RARB: variants seen among roughly 807,000 people sequenced by gnomAD.
RARB encodes the protein retinoic acid receptor beta.
RARB carries 17 observed loss-of-function variants against 51.9 expected under a neutral mutation model. That is an observed-to-expected ratio of 0.33 (90% CI 0.22 to 0.49). The LOEUF (loss-of-function observed/expected upper bound fraction) is 0.49, where lower values mean the gene tolerates loss of function less well. RARB is among the 20% of genes least tolerant of loss of function. RARB has a pLI of 0.99. For synonymous variants in RARB, 215 were observed against 195.4 expected (o/e 1.10, Z -0.84); for missense variants, 369 against 550.8 (o/e 0.67, Z 3.30).
chr3:24,942,859 TA>T (rs1695697697), intron 2 of RARB, among the ~76,000 whole-genome samples: 2 of 152,330 alleles, frequency 1.3e-5, no homozygotes, highest in South Asian at 4.1e-4. Flanking sequence ...CAAAATCATC[TA>T]AAACCTGGCT....
rs1467358656 is a variant in RARB at position 24,837,646 on chromosome 3, C to T, written c.-459+8243C>T. Among the ~76,000 whole-genome samples the T allele has an allele frequency of 1.3e-5, 2 of 152,278 alleles. 1 individual carries two copies. Among genetic ancestry groups the T allele is most frequent in the African/African-American group, 4.8e-5 (2 of 41,568 alleles). ...CAGTACTCAGTTTATTTTCTCAGTA[C>T]TGATTTTGGCCCTTTTATTTTCTCT... On this transcript the variant is annotated intron_variant, in intron 1 of 11. Coordinates refer to the RARB transcript ENST00000383772.
At chr3:25,346,296 T>A (rs1354726549) in intron 5 of RARB, among the ~76,000 whole-genome samples, 1 of 152,036 alleles carries the variant, frequency 6.6e-6, no homozygotes, top group African/African-American at 2.4e-5. Context: ...AGACAGGGAG[T>A]AAAGTGAAAG....
intron 5 of RARB, among the ~76,000 whole-genome samples, chr3:25,379,793 T>C (rs1001760246): frequency 2.0e-5 from 3 of 152,226 alleles, no homozygotes; most frequent in Non-Finnish European, 4.4e-5. Context: ...GCTAATGGCA[T>C]ATCTTAGAAT....
chr3:25,073,132 G>T (rs968440547), intron 3 of RARB, among the ~76,000 whole-genome samples: 5 of 152,268 alleles, frequency 3.3e-5, no homozygotes, highest in Middle Eastern at 3.4e-3. Flanking sequence ...AATATCTACA[G>T]AAGCCAGGCA....
chr3:24,883,322 T>C (rs1441375520), intron 2 of RARB, among the ~76,000 whole-genome samples: 6 of 151,284 alleles, frequency 4.0e-5, no homozygotes, highest in South Asian at 2.1e-4. Context: ...TCACATTTAC[T>C]TGGGCATGTT....
intron 5 of RARB, among the ~76,000 whole-genome samples, chr3:25,412,361 T>C (rs114444649): frequency 6.6e-6 from 1 of 152,182 alleles, no homozygotes; most frequent in Admixed American, 6.5e-5. Flanking sequence ...TATATAGATA[T>C]TGGCATGCAG....
rs111639601 is a variant in RARB at position 25,341,582 on chromosome 3, G to C, written c.179-119611G>C. The stretch of plus-strand genomic sequence containing the variant: ...GATGACTTCTCTCTGTGGTGTGACT[G>C]ACTCTCCTATTCATCTTCCAAGTCT... On this transcript the variant is annotated intron_variant, in intron 5 of 11. Transcript: ENST00000383772. 3.8e-3 allele frequency among the ~76,000 whole-genome samples: 577 copies of C among 152,278 alleles called. 2 individuals carry two copies. Among genetic ancestry groups the C allele is most frequent in the Non-Finnish European group, 6.8e-3 (461 of 68,024 alleles).
At chr3:24,932,161 T>C (rs1695454526) in intron 2 of RARB, among the ~76,000 whole-genome samples, 1 of 152,124 alleles carries the variant, frequency 6.6e-6, no homozygotes, top group African/African-American at 2.4e-5. Context: ...GGTGATGGGC[T>C]TCAAAGTTCG....
intron 2 of RARB, among the ~76,000 whole-genome samples, chr3:24,980,451 T>G (rs542380049): frequency 6.6e-6 from 1 of 152,200 alleles, no homozygotes; most frequent in African/African-American, 2.4e-5. Context: ...CCATATTTCT[T>G]GGAGGCTTTA....
At chr3:25,400,969 G>A (rs1237055996) in intron 5 of RARB, among the ~76,000 whole-genome samples, 1 of 152,056 alleles carries the variant, frequency 6.6e-6, no homozygotes, top group African/African-American at 2.4e-5. Context: ...ATTTTGAGGG[G>A]TCAACCCCTC....
intron 4 of RARB, among the ~76,000 whole-genome samples, chr3:25,173,278 A>G (rs1056960117): frequency 6.6e-6 from 1 of 152,210 alleles, no homozygotes; most frequent in African/African-American, 2.4e-5. Context: ...ACCTCAATCA[A>G]TAGTTGTTAA....
At chr3:25,045,878 T>C (rs1327082596) in intron 2 of RARB, among the ~76,000 whole-genome samples, 1 of 152,254 alleles carries the variant, frequency 6.6e-6, no homozygotes, top group Non-Finnish European at 1.5e-5. Flanking sequence ...AAGAGGACAG[T>C]TGTAAATACA....
At chr3:24,972,118 A>G (rs1696413126) in intron 2 of RARB, among the ~76,000 whole-genome samples, 1 of 151,902 alleles carries the variant, frequency 6.6e-6, no homozygotes, top group African/African-American at 2.4e-5. Flanking sequence ...ATTTGCACCC[A>G]TTAATCAACC....
At chr3:24,913,643 C>G (rs1269739889) in intron 2 of RARB, among the ~76,000 whole-genome samples, 1 of 152,030 alleles carries the variant, frequency 6.6e-6, no homozygotes, top group Non-Finnish European at 1.5e-5. Context: ...TTTCTTTCAT[C>G]AAAATAAAGT....
chr3:25,383,550 T>A (rs1217436616), intron 5 of RARB, among the ~76,000 whole-genome samples: 1 of 152,244 alleles, frequency 6.6e-6, no homozygotes, highest in Non-Finnish European at 1.5e-5. Flanking sequence ...TAACTTTGTA[T>A]GATGATGCAA....
chr3:25,206,744 G>C (rs530522772), intron 5 of RARB, among the ~76,000 whole-genome samples: 2 of 152,282 alleles, frequency 1.3e-5, no homozygotes, highest in South Asian at 2.1e-4. Flanking sequence ...TACTGCTTCA[G>C]TGCTAGCGTA....
At chr3:25,518,435 G>A (rs1332696794) in intron 3 of RARB, among the ~76,000 whole-genome samples, 2 of 152,136 alleles carry the variant, frequency 1.3e-5, no homozygotes. Flanking sequence ...AGTACTGGGA[G>A]ACGTCATTTA....
intron 5 of RARB, among the ~76,000 whole-genome samples, chr3:25,233,768 T>TG (rs1166077591): frequency 7.4e-6 from 1 of 135,666 alleles, no homozygotes; most frequent in African/African-American, 2.7e-5. Context: ...TGGTTGTTGT[T>TG]TTTTTTTTTT....
chr3:25,305,445 C>T (rs935562813), intron 5 of RARB, among the ~76,000 whole-genome samples: 1 of 152,148 alleles, frequency 6.6e-6, no homozygotes, highest in Non-Finnish European at 1.5e-5. Context: ...AAGGCAAAAA[C>T]CACAGTTTGC....
Sources: allele counts gnomAD v4.1 joint callset (sites outside exome capture counted in the v4.1 genomes callset), GRCh38; gene constraint gnomAD v4.1.1; transcripts MANE v1.5; gene names NCBI Gene and HGNC (gene_info 2026-07-23, HGNC 2026-07-21).